The following ABCB4 variants were observed in gnomAD, a reference collection of about 807,000 sequenced individuals.
ABCB4 encodes the protein phosphatidylcholine translocator ABCB4.
ABCB4 carries 76 observed loss-of-function variants against 145.7 expected under a neutral mutation model. That is an observed-to-expected ratio of 0.52 (90% CI 0.43 to 0.63). ABCB4 has a LOEUF of 0.63. Among genes scored for constraint, ABCB4 ranks in the 30% least tolerant of loss-of-function variants. ABCB4 has a pLI of 0.00. For missense variants in ABCB4, 1,234 were observed against 1,553.1 expected, an observed-to-expected ratio of 0.79 and a Z score of 3.45; for synonymous variants, 517 against 566.8, an observed-to-expected ratio of 0.91 and a Z score of 1.25.
intron 12 of ABCB4, among the ~76,000 whole-genome samples, chr7:87,441,946 G>A (rs1811017008): frequency 6.6e-6 from 1 of 152,110 alleles, no homozygotes; most frequent in Admixed American, 6.6e-5. Flanking sequence ...ATTGGAAAGA[G>A]GCTTAAGGAA....
chr7:87,417,373 T>G lies in ABCB4; in HGVS notation c.2621A>C (p.Glu874Ala), dbSNP rs1392127861. ...GGCATTTCCAGCCAACAATTTCATTTCAACAATTCCTGACACAGCAATAAT... is the reference window on the plus strand; with the variant it reads ...GGCATTTCCAGCCAACAATTTCATTGCAACAATTCCTGACACAGCAATAAT... The part of the protein sequence containing the change: ...VPIIAVSGIV[E>A]MKLLAGNAKR... The change falls in exon 21 of 28, where the codon GAA becomes GCA. Residue 874 changes from glutamate (E) to alanine (A), a missense_variant. Around this residue, in one of 7 missense-constraint regions of ABCB4, gnomAD observed 301 missense variants for 389.0 expected, o/e 0.77. Transcript: ENST00000649586. 6.2e-7 allele frequency: 1 copy of G among 1,614,150 alleles called. No homozygotes were observed. Among genetic ancestry groups the G allele is most frequent in the Admixed American group, 1.7e-5 (1 of 60,030 alleles).
At chr7:87,406,573 G>T in intron 25 of ABCB4, 79 bp from the exon 26 acceptor site, 1 of 1,505,318 alleles carries the variant, frequency 6.6e-7, no homozygotes, top group East Asian at 2.3e-5. Flanking sequence ...TTGTCCATTT[G>T]GAGGATCGTT....
intron 24 of ABCB4, 73 bp from the exon 25 acceptor site, chr7:87,408,307 A>C: frequency 6.9e-7 from 1 of 1,442,630 alleles, no homozygotes. Context: ...TATTTCAAGG[A>C]AACTTTACCA....
intron 4 of ABCB4, among the ~76,000 whole-genome samples, chr7:87,458,566 A>G (rs1254636012): frequency 4.6e-5 from 7 of 152,110 alleles, no homozygotes; most frequent in African/African-American, 1.2e-4. Flanking sequence ...TCTGTTCCCA[A>G]CCCCCATGAT....
downstream of ABCB4, among the ~76,000 whole-genome samples, chr7:87,400,371 G>A (rs31652): frequency 0.84 from 128,163 of 152,196 alleles, 54,124 homozygotes; most frequent in Middle Eastern, 0.93. Flanking sequence ...TCCCTTTTAA[G>A]AAACATGTAC....
intron 16 of ABCB4, among the ~76,000 whole-genome samples, chr7:87,425,071 CT>C (rs1809714186): frequency 6.6e-6 from 1 of 151,138 alleles, no homozygotes; most frequent in Non-Finnish European, 1.5e-5. Flanking sequence ...TTAACATTAT[CT>C]TTAAGTCCCT....
chr7:87,466,379 CCAA>C (rs1812904106), intron 3 of ABCB4, among the ~76,000 whole-genome samples: 1 of 152,136 alleles, frequency 6.6e-6, no homozygotes, highest in African/African-American at 2.4e-5. Context: ...AGCAAAGCCT[CCAA>C]GAAATATGGG....
the ABCB4 span, chr7:87,377,334 T>A: frequency 8.5e-6 from 13 of 1,534,878 alleles, no homozygotes; most frequent in South Asian, 4.7e-5. Flanking sequence ...TTTGGAAAAA[T>A]TAAATTTATT....
chr7:87,375,832 G>C, the ABCB4 span: 2 of 1,613,392 alleles, frequency 1.2e-6, no homozygotes. Flanking sequence ...CTTTAGGCAC[G>C]AGAATATCTG....
At chr7:87,410,257 G>A (rs1161137321) in intron 23 of ABCB4, among the ~76,000 whole-genome samples, 1 of 152,162 alleles carries the variant, frequency 6.6e-6, no homozygotes, top group Non-Finnish European at 1.5e-5. Flanking sequence ...CTACCCCAGA[G>A]AAAGGAGTGG....
At chr7:87,454,798 G>A (rs2116834805) in intron 4 of ABCB4, among the ~76,000 whole-genome samples, 1 of 152,298 alleles carries the variant, frequency 6.6e-6, no homozygotes, top group African/African-American at 2.4e-5. Context: ...TTTAGGTACT[G>A]GACATTAAGG....
At chr7:87,425,223 G>A (rs1809725848) in intron 16 of ABCB4, among the ~76,000 whole-genome samples, 1 of 152,058 alleles carries the variant, frequency 6.6e-6, no homozygotes, top group Non-Finnish European at 1.5e-5. Context: ...CAATCTTGTT[G>A]ATTGCAGCAT....
chr7:87,419,959 G>A (rs1809298971), intron 19 of ABCB4, 39 bp downstream of exon 19: 1 of 1,580,696 alleles, frequency 6.3e-7, no homozygotes, highest in Non-Finnish European at 8.7e-7. Context: ...TGGAAGAAAT[G>A]TGAAAGATCA....
At chr7:87,420,778 A>G (rs1013700277) in intron 18 of ABCB4, among the ~76,000 whole-genome samples, 8 of 152,208 alleles carry the variant, frequency 5.3e-5, no homozygotes, top group African/African-American at 1.9e-4. Flanking sequence ...AAAATCTTAA[A>G]GGTGTCCAGT....
the ABCB4 span, chr7:87,392,693 AT>A: frequency 2.5e-6 from 4 of 1,610,828 alleles, no homozygotes; most frequent in Non-Finnish European, 2.5e-6. Flanking sequence ...ATGGTGAAAA[AT>A]TTTTTTCTAA....
At chr7:87,400,805 C>T (rs1224021422), downstream of ABCB4, among the ~76,000 whole-genome samples, 1 of 152,138 alleles carries the variant, frequency 6.6e-6, no homozygotes, top group Non-Finnish European at 1.5e-5. Context: ...CACTTCTGAT[C>T]CCAAGCATTT....
At chr7:87,468,042 G>A (rs577923131) in intron 3 of ABCB4, among the ~76,000 whole-genome samples, 7 of 152,248 alleles carry the variant, frequency 4.6e-5, no homozygotes, top group African/African-American at 1.7e-4. Context: ...AAATAACTAA[G>A]ATCAGAGCAG....
intron 4 of ABCB4, among the ~76,000 whole-genome samples, chr7:87,459,748 T>G (rs1812329207): frequency 6.6e-6 from 1 of 152,192 alleles, no homozygotes; most frequent in Admixed American, 6.6e-5. Flanking sequence ...ACAGATATTT[T>G]ATGGACATAT....
chr7:87,425,171 C>T (rs1809722613), intron 16 of ABCB4, among the ~76,000 whole-genome samples: 2 of 152,104 alleles, frequency 1.3e-5, no homozygotes, highest in African/African-American at 4.8e-5. Context: ...ATCTCTCCCT[C>T]TCCTTTGGCA....
Sources: allele counts gnomAD v4.1 joint callset (sites outside exome capture counted in the v4.1 genomes callset), GRCh38; gene constraint gnomAD v4.1.1; regional missense constraint gnomAD v4.1.1; transcripts MANE v1.5; gene names NCBI Gene and HGNC (gene_info 2026-07-23, HGNC 2026-07-21).